SMYD3: variants seen among roughly 807,000 people sequenced by gnomAD.
SMYD3 encodes the protein histone-lysine N-methyltransferase SMYD3.
Under a neutral mutation model 57.7 loss-of-function variants are expected in SMYD3, and 36 were observed. The ratio of observed to expected loss-of-function variants is 0.62; its 90% CI spans 0.48 to 0.82. The LOEUF is 0.82. Ranked by LOEUF, SMYD3 falls within the 40% of genes least tolerant of loss-of-function variation. SMYD3 has a pLI of 0.00. For synonymous variants in SMYD3, 211 were observed against 195.0 expected (o/e 1.08, Z -0.68); for missense variants, 515 against 538.8 (o/e 0.96, Z 0.44).
At chr1:245,796,345 A>AT (rs34345920) in intron 10 of SMYD3, among the ~76,000 whole-genome samples, 32 of 150,910 alleles carry the variant, frequency 2.1e-4, no homozygotes, top group East Asian at 1.2e-3. Context: ...GGAATTCTAG[A>AT]TTTTTTTTTT....
At chr1:246,190,684 AATC>A (rs1242962593) in intron 5 of SMYD3, among the ~76,000 whole-genome samples, 1 of 152,062 alleles carries the variant, frequency 6.6e-6, no homozygotes, top group Admixed American at 6.6e-5. Flanking sequence ...ATTTTTTAAA[AATC>A]ATGATTTTCT....
intron 1 of SMYD3, among the ~76,000 whole-genome samples, chr1:246,406,885 G>A (rs534251274): frequency 3.7e-4 from 57 of 152,238 alleles, no homozygotes; most frequent in African/African-American, 1.3e-3. Flanking sequence ...CCAAGCTATC[G>A]ACCTGGTAAT....
intron 5 of SMYD3, among the ~76,000 whole-genome samples, chr1:246,168,343 G>C (rs2062258963): frequency 6.6e-6 from 1 of 152,168 alleles, no homozygotes; most frequent in Non-Finnish European, 1.5e-5. Flanking sequence ...AAGGGTAGAA[G>C]GAACTTCAGG....
chr1:245,869,662 T>C (rs1225801595), intron 8 of SMYD3, among the ~76,000 whole-genome samples: 3 of 152,186 alleles, frequency 2.0e-5, no homozygotes, highest in Non-Finnish European at 2.9e-5. Flanking sequence ...ACAAGCCCCT[T>C]GAATACCGCC....
At chr1:246,123,571 A>AACACAC (rs557543331) in intron 5 of SMYD3, among the ~76,000 whole-genome samples, 3,588 of 129,506 alleles carry the variant, frequency 0.028, 61 homozygotes, top group Middle Eastern at 0.054. Context: ...TCCATCTCAA[A>AACACAC]ACACACACAC....
intron 5 of SMYD3, among the ~76,000 whole-genome samples, chr1:246,217,109 A>C (rs1022593372): frequency 1.3e-5 from 2 of 151,834 alleles, no homozygotes; most frequent in Non-Finnish European, 2.9e-5. Context: ...AGAAGTTGGC[A>C]TCTAACCAAG....
intron 5 of SMYD3, among the ~76,000 whole-genome samples, chr1:246,195,614 C>T (rs1253889684): frequency 6.7e-6 from 1 of 148,214 alleles, no homozygotes; most frequent in African/African-American, 2.4e-5. Context: ...TGCACGCGCG[C>T]ACACACACAC....
chr1:245,911,970 A>C (rs2055025278), intron 8 of SMYD3, among the ~76,000 whole-genome samples: 1 of 152,166 alleles, frequency 6.6e-6, no homozygotes, highest in Non-Finnish European at 1.5e-5. Flanking sequence ...TGCTGGTATC[A>C]AAATACCACA....
At chr1:246,495,063 T>C (rs756775977) in intron 1 of SMYD3, among the ~76,000 whole-genome samples, 26 of 152,088 alleles carry the variant, frequency 1.7e-4, no homozygotes, top group Non-Finnish European at 2.4e-4. Flanking sequence ...AAAATGTCTA[T>C]GCTCTGCCGG....
intron 5 of SMYD3, among the ~76,000 whole-genome samples, chr1:246,307,584 T>G (rs1226067171): frequency 6.6e-6 from 1 of 151,374 alleles, no homozygotes; most frequent in African/African-American, 2.4e-5. Flanking sequence ...CACGCCCGGC[T>G]AATTTTTTGT....
intron 1 of SMYD3, among the ~76,000 whole-genome samples, chr1:246,430,996 CCT>C (rs2067289227): frequency 6.6e-6 from 1 of 152,056 alleles, no homozygotes; most frequent in African/African-American, 2.4e-5. Flanking sequence ...AAACATAACC[CCT>C]GAGATTTAGA....
intron 8 of SMYD3, among the ~76,000 whole-genome samples, chr1:245,907,217 A>G (rs2054628747): frequency 6.6e-6 from 1 of 152,218 alleles, no homozygotes; most frequent in Admixed American, 6.5e-5. Context: ...TAAAAAATGT[A>G]ATCGGATCGT....
chr1:246,305,352 G>A (rs1209672811), intron 5 of SMYD3, among the ~76,000 whole-genome samples: 1 of 152,078 alleles, frequency 6.6e-6, no homozygotes, highest in Admixed American at 6.6e-5. Context: ...ACAAGCCTCA[G>A]CAGAAGAGCT....
At chr1:245,913,444 T>C in intron 8 of SMYD3, among the ~76,000 whole-genome samples, 1 of 151,406 alleles carries the variant, frequency 6.6e-6, no homozygotes, top group Non-Finnish European at 1.5e-5. Flanking sequence ...CACACCAACA[T>C]GGCACATGTA....
chr1:246,216,708 A>G (rs2063170601), intron 5 of SMYD3, among the ~76,000 whole-genome samples: 1 of 152,196 alleles, frequency 6.6e-6, no homozygotes, highest in African/African-American at 2.4e-5. Context: ...TGTATTTAAA[A>G]AGAGAACATT....
intron 11 of SMYD3, among the ~76,000 whole-genome samples, chr1:245,751,250 T>C (rs2045336345): frequency 6.6e-6 from 1 of 152,180 alleles, no homozygotes; most frequent in Non-Finnish European, 1.5e-5. Flanking sequence ...GAGCAATTGC[T>C]AGGGGTGGAA....
At chr1:246,284,801 T>C (rs1288554186) in intron 5 of SMYD3, among the ~76,000 whole-genome samples, 1 of 152,198 alleles carries the variant, frequency 6.6e-6, no homozygotes, top group Non-Finnish European at 1.5e-5. Context: ...TGGTAAATTG[T>C]ATTAATAGGT....
chr1:245,980,247 G>A (rs1337182892), intron 5 of SMYD3, among the ~76,000 whole-genome samples: 3 of 152,194 alleles, frequency 2.0e-5, no homozygotes, highest in Non-Finnish European at 4.4e-5. Flanking sequence ...CACCTAGGAC[G>A]GGGTCCAGGC....
intron 5 of SMYD3, among the ~76,000 whole-genome samples, chr1:246,023,868 T>C (rs2148236205): frequency 6.9e-6 from 1 of 145,356 alleles, no homozygotes; most frequent in South Asian, 2.3e-4. Flanking sequence ...CACCCAGTAC[T>C]TAGTACACAC....
Sources: allele counts gnomAD v4.1 joint callset (sites outside exome capture counted in the v4.1 genomes callset), GRCh38; gene constraint gnomAD v4.1.1; transcripts MANE v1.5; gene names NCBI Gene and HGNC (gene_info 2026-07-23, HGNC 2026-07-21).